Variants in C2orf76 observed in about 807,000 individuals in gnomAD.
The protein encoded by C2orf76 is UPF0538 protein C2orf76.
A neutral mutation model predicts 16.9 loss-of-function variants in C2orf76; 23 were observed. That is an observed-to-expected ratio of 1.36 (90% CI 0.98 to 1.93). The LOEUF (loss-of-function observed/expected upper bound fraction) is 1.93. Among genes scored for constraint, C2orf76 ranks in the 30% most tolerant of loss-of-function variants. The probability of loss-of-function intolerance (pLI) is 0.00; values close to 1 mark genes in which losing one functional copy is unlikely to be tolerated. For missense variants in C2orf76, 152 were observed against 152.6 expected (o/e 1.00, Z 0.02); for synonymous variants, 48 against 52.3 (o/e 0.92, Z 0.35).
At chr2:119,288,179 CAG>C in the C2orf76 span, among the ~76,000 whole-genome samples, 1 of 128,412 alleles carries the variant, frequency 7.8e-6, no homozygotes, top group Admixed American at 7.8e-5. Context: ...TTTTTTGAGA[CAG>C]AGTCTCACTC....
chr2:119,339,688 G>C (rs1331024236), intron 2 of C2orf76, 139 bp downstream of exon 2: 3 of 834,184 alleles, frequency 3.6e-6, no homozygotes, highest in African/African-American at 1.7e-5. Context: ...GCCCAGAACC[G>C]GGGCTCGCCC....
chr2:119,298,846 C>G (rs552484113), downstream of C2orf76, among the ~76,000 whole-genome samples: 18 of 152,316 alleles, frequency 1.2e-4, no homozygotes, highest in African/African-American at 4.1e-4. Context: ...TTGCCTACTC[C>G]TTTCCAATAT....
chr2:119,317,415 A>G (rs775320109), intron 4 of C2orf76, 51 bp downstream of exon 4: 9 of 1,375,726 alleles, frequency 6.5e-6, no homozygotes, highest in South Asian at 4.2e-5. Context: ...CACAAATTCA[A>G]CCAACATTGA....
chr2:119,335,267 A>C (rs1314750678), intron 2 of C2orf76, among the ~76,000 whole-genome samples: 1 of 152,224 alleles, frequency 6.6e-6, no homozygotes, highest in Non-Finnish European at 1.5e-5. Context: ...CATAGAAAAA[A>C]GAAAGAAAGA....
intron 3 of C2orf76, among the ~76,000 whole-genome samples, chr2:119,319,909 A>G (rs369124520): frequency 6.6e-6 from 1 of 152,212 alleles, no homozygotes; most frequent in Non-Finnish European, 1.5e-5. Context: ...TTCAACAGAA[A>G]GCAGAAGATT....
the C2orf76 span, among the ~76,000 whole-genome samples, chr2:119,284,162 G>A: frequency 7.2e-5 from 11 of 152,038 alleles, no homozygotes; most frequent in Non-Finnish European, 1.0e-4. Flanking sequence ...TCCATGATTC[G>A]CCAGCACCCA....
the C2orf76 span, among the ~76,000 whole-genome samples, chr2:119,281,399 C>T: frequency 3.9e-5 from 6 of 151,974 alleles, no homozygotes; most frequent in Admixed American, 3.3e-4. Flanking sequence ...CCAAGAGTTT[C>T]TCTTAGGCTG....
At chr2:119,282,663 TC>T in the C2orf76 span, among the ~76,000 whole-genome samples, 2 of 152,148 alleles carry the variant, frequency 1.3e-5, no homozygotes, top group Admixed American at 6.5e-5. Flanking sequence ...CGGTGCATCC[TC>T]CCTCCTAAGA....
downstream of C2orf76, among the ~76,000 whole-genome samples, chr2:119,297,400 A>T (rs757667586): frequency 3.3e-5 from 5 of 152,250 alleles, no homozygotes; most frequent in Non-Finnish European, 7.3e-5. Context: ...ATGTTTAAAT[A>T]ACATATGTGC....
At chr2:119,298,053 C>T (rs1344804346), downstream of C2orf76, among the ~76,000 whole-genome samples, 1 of 152,164 alleles carries the variant, frequency 6.6e-6, no homozygotes, top group Non-Finnish European at 1.5e-5. Flanking sequence ...AAGCAATCCG[C>T]CCCCCTCAGC....
rs553939541 is a variant in C2orf76, at chr2:119,311,208, A to C, written c.304+414T>G. The stretch of plus-strand genomic sequence containing the variant: ...CCTTGGTGGGCCCTGAGTGATTCGG[A>C]AGACTATCAAAAACCACACTGCATG... On this transcript the variant is annotated intron_variant, in intron 5 of 5. Transcript: ENST00000334816. 1.1e-5 allele frequency: 11 copies of C among 985,398 alleles called. No homozygotes were observed. In the East Asian group the frequency reaches 1.0e-3, roughly 92 times the overall value. The allele number at this position is 985,398 out of a possible 1,614,324, so 61.0% of individuals were successfully genotyped here.
chr2:119,284,566 C>A, the C2orf76 span, among the ~76,000 whole-genome samples: 1 of 152,068 alleles, frequency 6.6e-6, no homozygotes, highest in East Asian at 1.9e-4. Context: ...TTACCTCCAC[C>A]CCAAAAATAC....
Position 119,315,495 on chromosome 2 carries a change from GACA to G in C2orf76, c.222+1968_222+1970del, listed in dbSNP as rs373418591. On this transcript the variant is annotated intron_variant, in intron 4 of 5. Coordinates refer to ENST00000334816, the MANE Select transcript of C2orf76 (RefSeq NM_001322331.2). ...GCAGATGGGGAATAGAAAATGAAAG[GACA>G]ACAATAACTTGGAAATGAGAAAAAT... 2.0e-3 allele frequency among the ~76,000 whole-genome samples: 300 copies of G among 152,264 alleles called. 3 individuals are homozygous for G. Among genetic ancestry groups the G allele is most frequent in the African/African-American group, 7.0e-3 (289 of 41,566 alleles).
At chr2:119,351,944 T>A (rs922731471) in intron 1 of C2orf76, among the ~76,000 whole-genome samples, 2 of 152,166 alleles carry the variant, frequency 1.3e-5, no homozygotes, top group African/African-American at 4.8e-5. Context: ...TGAAAATAAT[T>A]AGGATTGACT....
At chr2:119,327,714 C>G (rs1009042670) in intron 2 of C2orf76, among the ~76,000 whole-genome samples, 14 of 152,090 alleles carry the variant, frequency 9.2e-5, no homozygotes, top group African/African-American at 3.1e-4. Flanking sequence ...GAGGCCCTCA[C>G]CAGAAGCACA....
the C2orf76 span, among the ~76,000 whole-genome samples, chr2:119,296,826 A>G: frequency 1.3e-5 from 2 of 152,338 alleles, no homozygotes; most frequent in Non-Finnish European, 2.9e-5. Flanking sequence ...AAATGCCTGT[A>G]AAGGGGCGCC....
chr2:119,363,341 G>C (rs952267003), intron 1 of C2orf76, among the ~76,000 whole-genome samples: 2 of 150,918 alleles, frequency 1.3e-5, no homozygotes, highest in Non-Finnish European at 3.0e-5. Flanking sequence ...GGAGAATGGC[G>C]TGAACCCGGG....
At chr2:119,309,240 T>TGTACTCATTTCTAATAA (rs1353506467) in intron 5 of C2orf76, among the ~76,000 whole-genome samples, 3 of 152,180 alleles carry the variant, frequency 2.0e-5, no homozygotes, top group Admixed American at 6.5e-5. Context: ...ACAGTATCTA[T>TGTACTCATTTCTAATAA]GTACTCATTT....
intron 2 of C2orf76, among the ~76,000 whole-genome samples, chr2:119,332,583 C>A (rs1287492339): frequency 6.6e-6 from 1 of 152,096 alleles, no homozygotes; most frequent in Non-Finnish European, 1.5e-5. Flanking sequence ...GTAAAACAAT[C>A]TGGATGCAGC....
Sources: allele counts gnomAD v4.1 joint callset (sites outside exome capture counted in the v4.1 genomes callset), GRCh38; gene constraint gnomAD v4.1.1; transcripts MANE v1.5; gene names NCBI Gene and HGNC (gene_info 2026-07-23, HGNC 2026-07-21).